The following ZC3H12B variants were observed in gnomAD, a reference collection of about 807,000 sequenced individuals.
ZC3H12B encodes zinc finger CCCH-type containing 12B, also known as probable ribonuclease ZC3H12B.
In ZC3H12B, 7 loss-of-function variants were observed where a neutral mutation model predicts 43.9. The ratio of observed to expected loss-of-function variants is 0.16; its 90% CI spans 0.09 to 0.30. The LOEUF is 0.30. Among genes scored for constraint, ZC3H12B ranks in the 10% least tolerant of loss-of-function variants. The pLI, the probability that ZC3H12B is intolerant of heterozygous loss-of-function variation, is 1.00. For synonymous variants in ZC3H12B, 222 were observed against 241.7 expected (o/e 0.92, Z 0.76); for missense variants, 475 against 670.2 (o/e 0.71, Z 3.22).
At chrX:65,250,492 G>C in the ZC3H12B span, among the ~76,000 whole-genome samples, 6 of 111,674 alleles carry the variant, frequency 5.4e-5, no homozygotes, top group Non-Finnish European at 1.1e-4. Context: ...TCTATTTCTA[G>C]ATCCTTGAGG....
the ZC3H12B span, among the ~76,000 whole-genome samples, chrX:65,063,177 G>A: frequency 9.0e-6 from 1 of 111,459 alleles, no homozygotes; most frequent in Admixed American, 9.5e-5. Flanking sequence ...GATTGCCCTG[G>A]TCAGAACTTC....
chrX:65,082,594 C>A, the ZC3H12B span, among the ~76,000 whole-genome samples: 3 of 111,066 alleles, frequency 2.7e-5, no homozygotes, highest in Non-Finnish European at 3.8e-5. Context: ...AGATCAATAA[C>A]AAGTAATGAG....
chrX:65,274,306 C>T, the ZC3H12B span, among the ~76,000 whole-genome samples: 1 of 111,266 alleles, frequency 9.0e-6, no homozygotes, highest in African/African-American at 3.3e-5. Flanking sequence ...GTGCACTTCC[C>T]ATGCTCTGTG....
the ZC3H12B span, among the ~76,000 whole-genome samples, chrX:65,225,847 C>A: frequency 2.7e-5 from 3 of 111,884 alleles, no homozygotes; most frequent in African/African-American, 9.8e-5. Flanking sequence ...AAGAAACGAA[C>A]AAAGCCTCCA....
At chrX:65,226,125 G>C in the ZC3H12B span, among the ~76,000 whole-genome samples, 1 of 111,780 alleles carries the variant, frequency 8.9e-6, no homozygotes, top group East Asian at 2.8e-4. Context: ...CAGCCAGAGA[G>C]AAAGGTCGGG....
chrX:65,061,094 C>T, the ZC3H12B span, among the ~76,000 whole-genome samples: 3 of 111,400 alleles, frequency 2.7e-5, no homozygotes, highest in Non-Finnish European at 3.8e-5. Flanking sequence ...TGAATTTTTG[C>T]AATATCAGTT....
At chrX:65,329,549 T>G in the ZC3H12B span, among the ~76,000 whole-genome samples, 22 of 100,672 alleles carry the variant, frequency 2.2e-4, no homozygotes, top group African/African-American at 1.1e-3. Context: ...AGCTCTTTAG[T>G]TTAATTAGAT....
chrX:65,211,103 A>G, the ZC3H12B span, among the ~76,000 whole-genome samples: 2 of 105,641 alleles, frequency 1.9e-5, no homozygotes, highest in South Asian at 4.2e-4. Context: ...AAAAAAAAAA[A>G]AGAACTTTTG....
the ZC3H12B span, among the ~76,000 whole-genome samples, chrX:65,111,417 G>A: frequency 1.8e-5 from 2 of 111,312 alleles, no homozygotes; most frequent in Non-Finnish European, 3.8e-5. Flanking sequence ...GGTTTTCAGA[G>A]AGTCTTTATC....
chrX:65,151,944 T>C, the ZC3H12B span, among the ~76,000 whole-genome samples: 1 of 111,979 alleles, frequency 8.9e-6, no homozygotes, highest in Non-Finnish European at 1.9e-5. Context: ...AATCAATAAC[T>C]GTAATCCAGC....
intron 3 of ZC3H12B, among the ~76,000 whole-genome samples, chrX:65,482,374 G>A (rs2068075082): frequency 9.0e-6 from 1 of 110,963 alleles, no homozygotes; most frequent in Non-Finnish European, 1.9e-5. Context: ...ATAGAAGTGG[G>A]CGTGTTTTCT....
At chrX:65,285,579 CA>C in the ZC3H12B span, among the ~76,000 whole-genome samples, 1 of 111,035 alleles carries the variant, frequency 9.0e-6, no homozygotes, top group Admixed American at 9.6e-5. Flanking sequence ...ACAGTGCTGA[CA>C]AAAAAATACT....
At chrX:65,109,149 G>A in the ZC3H12B span, among the ~76,000 whole-genome samples, 7 of 111,385 alleles carry the variant, frequency 6.3e-5, no homozygotes, top group East Asian at 1.4e-3. Flanking sequence ...TTAGCCACCA[G>A]ATTATTGTTG....
chrX:65,146,952 G>C, the ZC3H12B span, among the ~76,000 whole-genome samples: 1 of 111,805 alleles, frequency 8.9e-6, no homozygotes, highest in Non-Finnish European at 1.9e-5. Context: ...CTGTTCTGGA[G>C]CAAAAGTTCA....
chrX:65,047,038 A>T, the ZC3H12B span, among the ~76,000 whole-genome samples: 1 of 110,745 alleles, frequency 9.0e-6, no homozygotes, highest in African/African-American at 3.3e-5. Context: ...GAAATCACTG[A>T]TCACAGATCA....
chrX:65,056,128 C>G, the ZC3H12B span, among the ~76,000 whole-genome samples: 1 of 111,838 alleles, frequency 8.9e-6, no homozygotes, highest in South Asian at 3.7e-4. Context: ...TTGCCTTCTG[C>G]TAGCTTTTGA....
the ZC3H12B span, among the ~76,000 whole-genome samples, chrX:65,232,053 G>A: frequency 1.9e-5 from 2 of 103,994 alleles, no homozygotes; most frequent in Non-Finnish European, 3.8e-5. Flanking sequence ...GGCTAACATG[G>A]TGAAACCCCG....
At chrX:65,369,511 C>G (rs2066217211) in intron 2 of ZC3H12B, among the ~76,000 whole-genome samples, 1 of 111,333 alleles carries the variant, frequency 9.0e-6, no homozygotes, top group African/African-American at 3.3e-5. Context: ...AAAACTGTGA[C>G]TATCATTTCA....
At chrX:65,222,812 G>T in the ZC3H12B span, among the ~76,000 whole-genome samples, 1 of 109,670 alleles carries the variant, frequency 9.1e-6, no homozygotes, top group African/African-American at 3.3e-5. Context: ...ACTGCCAAAG[G>T]CAGTCTACAA....
Sources: allele counts gnomAD v4.1 joint callset (sites outside exome capture counted in the v4.1 genomes callset), GRCh38; gene constraint gnomAD v4.1.1; transcripts MANE v1.5; gene names NCBI Gene and HGNC (gene_info 2026-07-23, HGNC 2026-07-21).